The following XRCC4 variants were observed in gnomAD, a reference collection of about 807,000 sequenced individuals.
XRCC4 encodes the protein X-ray repair cross complementing 4.
In XRCC4, 28 loss-of-function variants were observed where a neutral mutation model predicts 39.1. The ratio of observed to expected loss-of-function variants is 0.72; its 90% CI spans 0.53 to 0.98. The LOEUF (loss-of-function observed/expected upper bound fraction) is 0.98, where lower values mean the gene tolerates loss of function less well. XRCC4 is among the 50% of genes least tolerant of loss of function. XRCC4 has a pLI of 0.00. For missense variants in XRCC4, 350 were observed against 376.4 expected, an observed-to-expected ratio of 0.93 and a Z score of 0.58; for synonymous variants, 123 against 126.4, an observed-to-expected ratio of 0.97 and a Z score of 0.18.
In XRCC4 at chr5:83,217,358, C is replaced by CAAAAAAAAAAAAAAAAAAAAAA. The variant is rs59416363; in HGVS notation, c.745+12456_745+12457insAAAAAAAAAAAAAAAAAAAAAA. On this transcript the variant is annotated intron_variant, in intron 6 of 7. Coordinates refer to ENST00000396027, the MANE Select transcript of XRCC4 (RefSeq NM_003401.5). The stretch of plus-strand genomic sequence containing the variant: ...GGCAGCGCAGAGCAAGACTCCGTCT[C>CAAAAAAAAAAAAAAAAAAAAAA]AAAAAAAAAAAAAAAAAAACCATTG... Among the ~76,000 whole-genome samples, 53 of 96,132 alleles carry CAAAAAAAAAAAAAAAAAAAAAA rather than the reference C, an allele frequency of 5.5e-4. 2 individuals carry two copies. The highest frequency in any genetic ancestry group is 2.3e-3 in the African/African-American group (48 of 21,246). 63.1% of individuals were successfully genotyped at this position (96,132 alleles called of 152,430 possible).
At chr5:83,252,250 C>T (rs777016675) in intron 6 of XRCC4, among the ~76,000 whole-genome samples, 9 of 152,116 alleles carry the variant, frequency 5.9e-5, no homozygotes, top group East Asian at 5.8e-4. Context: ...TTAAGGTTTG[C>T]GTTTTGTGCT....
chr5:83,313,058 C>T (rs970041375), intron 7 of XRCC4, among the ~76,000 whole-genome samples: 4 of 144,350 alleles, frequency 2.8e-5, no homozygotes, highest in African/African-American at 1.0e-4. Context: ...CAAAAAATGT[C>T]TCTTTTTTCT....
At chr5:83,266,064 T>C (rs1159372486) in intron 7 of XRCC4, among the ~76,000 whole-genome samples, 1 of 152,054 alleles carries the variant, frequency 6.6e-6, no homozygotes, top group Non-Finnish European at 1.5e-5. Context: ...TGAAAGACTT[T>C]GATATGTACA....
chr5:83,142,125 T>A (rs1748208657), intron 3 of XRCC4, among the ~76,000 whole-genome samples: 1 of 152,232 alleles, frequency 6.6e-6, no homozygotes, highest in Non-Finnish European at 1.5e-5. Context: ...GCGTTTTAGC[T>A]GCCTGAGGTT....
At chr5:83,338,213 A>G (rs935846568) in intron 7 of XRCC4, among the ~76,000 whole-genome samples, 3 of 152,242 alleles carry the variant, frequency 2.0e-5, no homozygotes, top group Non-Finnish European at 4.4e-5. Context: ...CTAGAAAGTA[A>G]TAATCAATTT....
chr5:83,099,381 C>T (rs561297456), intron 1 of XRCC4, among the ~76,000 whole-genome samples: 1 of 152,174 alleles, frequency 6.6e-6, no homozygotes, highest in Non-Finnish European at 1.5e-5. Flanking sequence ...AGTGTTGTAA[C>T]TAACTTGAGC....
intron 6 of XRCC4, among the ~76,000 whole-genome samples, chr5:83,241,633 G>A (rs2112847867): frequency 6.6e-6 from 1 of 152,184 alleles, no homozygotes; most frequent in African/African-American, 2.4e-5. Flanking sequence ...GTACAATGCA[G>A]AGTTTAGAGG....
At chr5:83,354,472 C>T (rs915399572), downstream of XRCC4, among the ~76,000 whole-genome samples, 1 of 152,168 alleles carries the variant, frequency 6.6e-6, no homozygotes, top group Non-Finnish European at 1.5e-5. Context: ...TATGTACATA[C>T]ATATACATGG....
intron 6 of XRCC4, among the ~76,000 whole-genome samples, chr5:83,227,606 G>A (rs1752339442): frequency 6.6e-6 from 1 of 151,912 alleles, no homozygotes; most frequent in Non-Finnish European, 1.5e-5. Flanking sequence ...CTTGTTCTCC[G>A]GTTGGTATTA....
intron 6 of XRCC4, among the ~76,000 whole-genome samples, chr5:83,216,318 G>T (rs190795510): frequency 6.6e-6 from 1 of 152,316 alleles, no homozygotes. Flanking sequence ...AAAATAATGT[G>T]TAGGAAAGGA....
intron 7 of XRCC4, among the ~76,000 whole-genome samples, chr5:83,324,332 A>T (rs1014591983): frequency 8.5e-5 from 13 of 152,180 alleles, no homozygotes; most frequent in Admixed American, 2.0e-4. Context: ...TGTGCATTAG[A>T]TCCATCTACC....
intron 7 of XRCC4, among the ~76,000 whole-genome samples, chr5:83,342,712 G>A (rs974709457): frequency 8.5e-5 from 13 of 152,156 alleles, no homozygotes; most frequent in African/African-American, 2.4e-4. Context: ...ACTTCAGTCT[G>A]TTAATTTATT....
chr5:83,198,142 G>T (rs964743389), intron 4 of XRCC4, among the ~76,000 whole-genome samples: 1 of 152,152 alleles, frequency 6.6e-6, no homozygotes, highest in African/African-American at 2.4e-5. Flanking sequence ...GACATAGAAA[G>T]TAGAGAATCA....
intron 1 of XRCC4, among the ~76,000 whole-genome samples, chr5:83,099,746 A>C (rs1388522804): frequency 6.6e-6 from 1 of 152,136 alleles, no homozygotes; most frequent in Non-Finnish European, 1.5e-5. Flanking sequence ...GCTGATACTA[A>C]TGTGACCTTT....
At chr5:83,280,272 G>A (rs1052477346) in intron 7 of XRCC4, 8 of 356,734 alleles carry the variant, frequency 2.2e-5, no homozygotes, top group African/African-American at 6.5e-5. Context: ...TACAATATCC[G>A]GATGTCTTTG....
At chr5:83,239,889 G>T (rs1752838326) in intron 6 of XRCC4, among the ~76,000 whole-genome samples, 1 of 151,838 alleles carries the variant, frequency 6.6e-6, no homozygotes, top group Non-Finnish European at 1.5e-5. Flanking sequence ...TGGGTGTGGT[G>T]ACGCATACCT....
chr5:83,295,587 CAG>C (rs1580476603), intron 7 of XRCC4, among the ~76,000 whole-genome samples: 1 of 152,082 alleles, frequency 6.6e-6, no homozygotes, highest in East Asian at 1.9e-4. Flanking sequence ...TGCATGTAAA[CAG>C]AAAGTACTCA....
intron 3 of XRCC4, among the ~76,000 whole-genome samples, chr5:83,115,991 C>A (rs559340499): frequency 6.6e-6 from 1 of 152,144 alleles, no homozygotes; most frequent in Non-Finnish European, 1.5e-5. Flanking sequence ...ATCACAAGTT[C>A]ATTTGGCCAA....
At chr5:83,193,538 A>T (rs1205787586) in intron 3 of XRCC4, among the ~76,000 whole-genome samples, 1 of 152,200 alleles carries the variant, frequency 6.6e-6, no homozygotes, top group East Asian at 1.9e-4. Context: ...TGTTTGAGTG[A>T]TATTTTGAAA....
Sources: allele counts gnomAD v4.1 joint callset (sites outside exome capture counted in the v4.1 genomes callset), GRCh38; gene constraint gnomAD v4.1.1; transcripts MANE v1.5; gene names NCBI Gene and HGNC (gene_info 2026-07-23, HGNC 2026-07-21).